The following PCCB variants were observed in gnomAD, a reference collection of about 807,000 sequenced individuals.
PCCB encodes propionyl-CoA carboxylase beta chain, mitochondrial.
A neutral mutation model predicts 60.7 loss-of-function variants in PCCB; 43 were observed. The observed-to-expected ratio is 0.71, with a 90% confidence interval of 0.55 to 0.91. The LOEUF is 0.91. Among genes scored for constraint, PCCB ranks in the 40% least tolerant of loss-of-function variants. The pLI is 0.00. For synonymous variants in PCCB, 276 were observed against 255.9 expected, an observed-to-expected ratio of 1.08 and a Z score of -0.75; for missense variants, 766 against 702.8, an observed-to-expected ratio of 1.09 and a Z score of -1.02.
At position 136,317,017 on chromosome 3, in the gene PCCB, A is replaced by G. The variant is rs747309318; in HGVS notation, c.1043A>G (p.Asn348Ser). The G allele has an allele frequency of 8.1e-6, 13 of 1,613,872 alleles. No homozygotes were observed. The highest frequency in any genetic ancestry group is 5.1e-6 in the Non-Finnish European group (6 of 1,179,976). ...KNIIVGFARM[N>S]GRTVGIVGNQ... ...ATCATTGTTGGTTTTGCAAGAATGA[A>G]TGGGAGGACTGTTGGAATTGTTGGC... The change falls in exon 10 of 15, where the codon AAT (asparagine) becomes AGT (serine). Residue 348 changes from asparagine (N) to serine (S), a missense_variant. Coordinates refer to ENST00000251654, the MANE Select transcript of PCCB (RefSeq NM_000532.5).
intron 8 of PCCB, among the ~76,000 whole-genome samples, chr3:136,300,264 G>T (rs576316979): frequency 6.6e-6 from 1 of 152,166 alleles, no homozygotes; most frequent in African/African-American, 2.4e-5. Context: ...AGCTTTTTGC[G>T]AAGTTGGGCT....
intron 8 of PCCB, among the ~76,000 whole-genome samples, chr3:136,299,482 ATG>A (rs1286685188): frequency 2.0e-5 from 3 of 148,884 alleles, no homozygotes; most frequent in Admixed American, 6.6e-5. Flanking sequence ...ATGCATGTGT[ATG>A]TATGTATATG....
chr3:136,278,990 C>T (rs990634368), intron 5 of PCCB, among the ~76,000 whole-genome samples: 1 of 152,124 alleles, frequency 6.6e-6, no homozygotes, highest in Non-Finnish European at 1.5e-5. Flanking sequence ...TTTTGGGGCT[C>T]TGTTAGGTGT....
intron 10 of PCCB, among the ~76,000 whole-genome samples, chr3:136,321,329 A>G (rs1258039014): frequency 3.9e-5 from 6 of 152,214 alleles, no homozygotes. Context: ...TAAGAGCAGT[A>G]TATTTGAGGT....
chr3:136,300,166 A>C (rs571394545), intron 8 of PCCB, among the ~76,000 whole-genome samples: 2 of 128,582 alleles, frequency 1.6e-5, no homozygotes, highest in East Asian at 3.9e-4. Context: ...ATATATACAC[A>C]TATGTATATG....
intron 9 of PCCB, among the ~76,000 whole-genome samples, chr3:136,309,529 G>GT (rs753668439): frequency 6.6e-6 from 1 of 152,194 alleles, no homozygotes; most frequent in Non-Finnish European, 1.5e-5. Context: ...GCCAGGTGTG[G>GT]TGGCTCATGC....
intron 5 of PCCB, among the ~76,000 whole-genome samples, chr3:136,276,402 C>T (rs1312470338): frequency 6.6e-6 from 1 of 152,124 alleles, no homozygotes; most frequent in Non-Finnish European, 1.5e-5. Context: ...TGGGAGCCAC[C>T]TCAGCTCCTT....
intron 8 of PCCB, 138 bp downstream of exon 8, chr3:136,298,210 A>G: frequency 2.9e-6 from 3 of 1,029,380 alleles, no homozygotes; most frequent in South Asian, 1.3e-5. Flanking sequence ...TGTGGGGATG[A>G]TGTCATGTTT....
At chr3:136,327,499 C>G (rs1401822936) in intron 12 of PCCB, 135 bp from the exon 13 acceptor site, 1 of 767,672 alleles carries the variant, frequency 1.3e-6, no homozygotes, top group Admixed American at 2.0e-5. Context: ...AAAGGTCTTA[C>G]AGACCGTGGG....
intron 10 of PCCB, among the ~76,000 whole-genome samples, chr3:136,324,135 AG>A (rs1935211661): frequency 1.3e-5 from 2 of 151,946 alleles, no homozygotes; most frequent in South Asian, 4.1e-4. Flanking sequence ...CTTTTGAGAC[AG>A]GGTCTTGCTC....
intron 5 of PCCB, among the ~76,000 whole-genome samples, chr3:136,266,905 G>A (rs980017142): frequency 2.6e-5 from 4 of 151,368 alleles, no homozygotes; most frequent in African/African-American, 7.3e-5. Context: ...TATTTTTTGA[G>A]ACAGCCTCAC....
At chr3:136,285,715 C>T (rs565806405) in intron 6 of PCCB, among the ~76,000 whole-genome samples, 1 of 152,298 alleles carries the variant, frequency 6.6e-6, no homozygotes, top group Non-Finnish European at 1.5e-5. Context: ...TGGCAATTTA[C>T]ATGATTCCAT....
chr3:136,323,404 A>G (rs1935177887), intron 10 of PCCB, among the ~76,000 whole-genome samples: 1 of 151,992 alleles, frequency 6.6e-6, no homozygotes, highest in African/African-American at 2.4e-5. Flanking sequence ...CATTTATTGT[A>G]CTTTTCAGCT....
chr3:136,283,229 A>G (rs569903897), intron 5 of PCCB, among the ~76,000 whole-genome samples: 2 of 152,272 alleles, frequency 1.3e-5, no homozygotes, highest in South Asian at 4.1e-4. Flanking sequence ...TTGAGCCCCC[A>G]CATCCTATCT....
chr3:136,259,783 C>T (rs111474141), intron 3 of PCCB, among the ~76,000 whole-genome samples: 1,706 of 152,252 alleles, frequency 0.011, 34 homozygotes, highest in East Asian at 0.056. Context: ...TACAGAGTCT[C>T]GCTCTGTCGC....
intron 10 of PCCB, among the ~76,000 whole-genome samples, chr3:136,325,034 A>G (rs1050220533): frequency 2.6e-5 from 4 of 152,120 alleles, no homozygotes; most frequent in African/African-American, 9.7e-5. Flanking sequence ...ATGGGATTAC[A>G]GGTGTGCACC....
At position 136,256,505 on chromosome 3, in the gene PCCB, A is replaced by G. The variant is rs201338792; in HGVS notation, c.304-50A>G. 9.3e-5 allele frequency: 125 copies of G among 1,346,526 alleles called. 1 individual carries two copies. In the African/African-American group the frequency reaches 1.7e-3, roughly 18 times the overall value. The allele number at this position is 1,346,526 out of a possible 1,614,324, so 83.4% of individuals were successfully genotyped here. ...TTGAGGCATAGTGGCCAAACTCATT[A>G]GAAGAAGTATTTGGATTTTTTAACC... On this transcript the variant is annotated intron_variant, in intron 2 of 14. Coordinates refer to ENST00000251654, the MANE Select transcript of PCCB (RefSeq NM_000532.5).
chr3:136,286,902 G>A (rs1024573273), intron 6 of PCCB, among the ~76,000 whole-genome samples: 4 of 151,880 alleles, frequency 2.6e-5, no homozygotes, highest in South Asian at 2.1e-4. Context: ...GTGGTGGTAC[G>A]TGCTTGTAAT....
chr3:136,285,882 C>G (rs1464967319), intron 6 of PCCB, among the ~76,000 whole-genome samples: 1 of 152,206 alleles, frequency 6.6e-6, no homozygotes, highest in Non-Finnish European at 1.5e-5. Flanking sequence ...TAAGCTGTCA[C>G]CATTCTACAT....
Sources: allele counts gnomAD v4.1 joint callset (sites outside exome capture counted in the v4.1 genomes callset), GRCh38; gene constraint gnomAD v4.1.1; transcripts MANE v1.5; gene names NCBI Gene and HGNC (gene_info 2026-07-23, HGNC 2026-07-21).